The following GRID2 variants were observed in gnomAD, a reference collection of about 807,000 sequenced individuals.
The protein encoded by GRID2 is glutamate ionotropic receptor delta type subunit 2, also known as glutamate receptor ionotropic, delta-2.
GRID2 carries 33 observed loss-of-function variants against 114.8 expected under a neutral mutation model. That is an observed-to-expected ratio of 0.29 (90% CI 0.22 to 0.38). The LOEUF (loss-of-function observed/expected upper bound fraction) is 0.38. GRID2 is among the 10% of genes least tolerant of loss of function. The probability of loss-of-function intolerance (pLI) is 1.00; values close to 1 mark genes in which losing one functional copy is unlikely to be tolerated. For synonymous variants in GRID2, 505 were observed against 449.9 expected (o/e 1.12, Z -1.55); for missense variants, 1,184 against 1,257.7 (o/e 0.94, Z 0.89).
Position 93,772,369 on chromosome 4 carries a change from T to C in GRID2, c.2895T>C (p.Phe965=). ...GNVPEHRTGP[F]RHRAPNGGFF... is the part of the protein sequence containing the mutation. The stretch of plus-strand genomic sequence containing the variant: ...TGCCTGAGCACCGAACTGGCCCTTT[T>C]AGGCACAGGGCACCTAATGGGGGCT... The change falls in exon 16 of 16, where the codon TTT becomes TTC. Residue 965 remains phenylalanine, a synonymous_variant. Coordinates refer to ENST00000282020, the MANE Select transcript of GRID2 (RefSeq NM_001510.4). 1 of 1,614,072 alleles carries C rather than the reference T, an allele frequency of 6.2e-7. No homozygotes were observed. The highest frequency in any genetic ancestry group is 8.5e-7 in the Non-Finnish European group (1 of 1,179,980).
chr4:92,958,872 C>T (rs1350135806), intron 2 of GRID2, among the ~76,000 whole-genome samples: 3 of 151,788 alleles, frequency 2.0e-5, no homozygotes, highest in Admixed American at 2.0e-4. Flanking sequence ...TTCAGATTGC[C>T]ATTTCTTCTT....
At chr4:93,468,192 A>G (rs1724472226) in intron 11 of GRID2, among the ~76,000 whole-genome samples, 1 of 152,154 alleles carries the variant, frequency 6.6e-6, no homozygotes, top group African/African-American at 2.4e-5. Flanking sequence ...TGTCTTACCT[A>G]TCTTAGAACC....
At chr4:93,729,304 A>G (rs887709349) in intron 14 of GRID2, among the ~76,000 whole-genome samples, 5 of 152,168 alleles carry the variant, frequency 3.3e-5, no homozygotes, top group South Asian at 2.1e-4. Flanking sequence ...GTAAATTTCA[A>G]TCTACAGACA....
chr4:93,697,442 G>C (rs1046843748), intron 14 of GRID2, among the ~76,000 whole-genome samples: 4 of 151,926 alleles, frequency 2.6e-5, no homozygotes, highest in Admixed American at 2.6e-4. Context: ...AGCAGATGAC[G>C]GTCACTTTCA....
intron 2 of GRID2, among the ~76,000 whole-genome samples, chr4:92,735,293 A>AT (rs1254149540): frequency 1.3e-5 from 2 of 152,104 alleles, no homozygotes; most frequent in Non-Finnish European, 2.9e-5. Context: ...CATACATTAT[A>AT]TTTTTCTTAT....
At chr4:93,332,568 C>T (rs1212511876) in intron 8 of GRID2, among the ~76,000 whole-genome samples, 1 of 152,020 alleles carries the variant, frequency 6.6e-6, no homozygotes, top group Non-Finnish European at 1.5e-5. Flanking sequence ...TATGTATTCC[C>T]TGTAGTATCT....
intron 1 of GRID2, among the ~76,000 whole-genome samples, chr4:92,328,580 T>C (rs2110139123): frequency 6.6e-6 from 1 of 152,136 alleles, no homozygotes; most frequent in South Asian, 2.1e-4. Flanking sequence ...AAATTTACTA[T>C]AGCATTAAAC....
chr4:92,749,711 C>T (rs944966767), intron 2 of GRID2, among the ~76,000 whole-genome samples: 1 of 151,846 alleles, frequency 6.6e-6, no homozygotes. Context: ...TTAAGGAAAA[C>T]CAGAGGAGAG....
intron 2 of GRID2, among the ~76,000 whole-genome samples, chr4:92,950,836 C>CT (rs1751983375): frequency 6.6e-6 from 1 of 152,092 alleles, no homozygotes; most frequent in African/African-American, 2.4e-5. Flanking sequence ...GAGTTTGTTT[C>CT]TTTTTTATAG....
intron 2 of GRID2, among the ~76,000 whole-genome samples, chr4:92,640,930 A>G (rs1463236324): frequency 1.3e-5 from 2 of 151,934 alleles, no homozygotes; most frequent in East Asian, 3.9e-4. Flanking sequence ...TTAGAATGTT[A>G]TAAATGCTAT....
In GRID2 at chr4:93,236,389, C is replaced by T. The variant is rs62310365; in HGVS notation, c.1126-1982C>T. Among the ~76,000 whole-genome samples the T allele has an allele frequency of 2.5e-3, 380 of 152,108 alleles. 4 individuals are homozygous for T. The highest frequency in any genetic ancestry group is 3.3e-3 in the Admixed American group (50 of 15,222). On this transcript the variant is annotated intron_variant, in intron 7 of 15. Coordinates refer to ENST00000282020, the MANE Select transcript of GRID2 (RefSeq NM_001510.4). ...ACACTGGAAATGCTGATTCGGTCTCCAAGGAAGGTTTCATAGGTTTATTTC... is the reference window on the plus strand; with the variant it reads ...ACACTGGAAATGCTGATTCGGTCTCTAAGGAAGGTTTCATAGGTTTATTTC...
intron 1 of GRID2, among the ~76,000 whole-genome samples, chr4:92,464,182 T>G (rs1220365911): frequency 2.0e-5 from 3 of 152,058 alleles, no homozygotes; most frequent in Admixed American, 2.0e-4. Flanking sequence ...ATCAAGTGTG[T>G]CACAGCAAAA....
intron 2 of GRID2, among the ~76,000 whole-genome samples, chr4:93,064,512 A>G (rs746587871): frequency 1.3e-4 from 20 of 151,866 alleles, no homozygotes; most frequent in Non-Finnish European, 2.2e-4. Context: ...CTCCACATTT[A>G]CCAGCTTTTG....
chr4:92,915,130 C>T (rs1008469770), intron 2 of GRID2, among the ~76,000 whole-genome samples: 1 of 152,040 alleles, frequency 6.6e-6, no homozygotes, highest in African/African-American at 2.4e-5. Flanking sequence ...GGAAGAGTCC[C>T]TTATTAAACC....
At chr4:92,812,304 A>G (rs573228092) in intron 2 of GRID2, among the ~76,000 whole-genome samples, 1 of 152,240 alleles carries the variant, frequency 6.6e-6, no homozygotes, top group South Asian at 2.1e-4. Context: ...AGATTATAAA[A>G]ACATTCTTAA....
At chr4:93,624,555 A>G (rs1316655470) in intron 13 of GRID2, among the ~76,000 whole-genome samples, 2 of 152,148 alleles carry the variant, frequency 1.3e-5, no homozygotes, top group Admixed American at 1.3e-4. Flanking sequence ...TTTGCCAAGT[A>G]TCTTTCTTGT....
intron 14 of GRID2, among the ~76,000 whole-genome samples, chr4:93,665,536 A>G (rs1448453007): frequency 6.6e-6 from 1 of 152,154 alleles, no homozygotes; most frequent in Non-Finnish European, 1.5e-5. Context: ...AACAGTCAAA[A>G]CTGCTTCACT....
At chr4:93,461,143 T>C (rs1384907374) in intron 11 of GRID2, among the ~76,000 whole-genome samples, 1 of 152,140 alleles carries the variant, frequency 6.6e-6, no homozygotes, top group Non-Finnish European at 1.5e-5. Flanking sequence ...CTTAAATGAG[T>C]TGCACAGCCT....
intron 14 of GRID2, among the ~76,000 whole-genome samples, chr4:93,731,390 A>G (rs1730472691): frequency 6.6e-6 from 1 of 152,192 alleles, no homozygotes; most frequent in Non-Finnish European, 1.5e-5. Flanking sequence ...GGGAGAGCGG[A>G]CAGGAATCAT....
Sources: allele counts gnomAD v4.1 joint callset (sites outside exome capture counted in the v4.1 genomes callset), GRCh38; gene constraint gnomAD v4.1.1; transcripts MANE v1.5; gene names NCBI Gene and HGNC (gene_info 2026-07-23, HGNC 2026-07-21).